The following FSTL4 variants were observed in gnomAD, a reference collection of about 807,000 sequenced individuals.
The protein encoded by FSTL4 is follistatin-related protein 4.
In FSTL4, 28 loss-of-function variants were observed where a neutral mutation model predicts 78.2. That is an observed-to-expected ratio of 0.36 (90% confidence interval 0.27 to 0.49). FSTL4 has a LOEUF of 0.49. Ranked by LOEUF, FSTL4 falls within the 20% of genes least tolerant of loss-of-function variation. The pLI is 0.98. For missense variants in FSTL4, 922 were observed against 1,084.9 expected, an observed-to-expected ratio of 0.85 and a Z score of 2.11; for synonymous variants, 422 against 440.5, an observed-to-expected ratio of 0.96 and a Z score of 0.53.
In FSTL4 at chr5:133,197,239, A is replaced by C. The variant is rs572526917; in HGVS notation, c.*1856T>G. ...ATGAAAGTTGGAGAATTTTAGTGGTAAAAATGGGAGATTGGGAGTAAACAT... is the reference window on the plus strand; with the variant it reads ...ATGAAAGTTGGAGAATTTTAGTGGTCAAAATGGGAGATTGGGAGTAAACAT... On this transcript the variant is annotated 3_prime_UTR_variant, in exon 16 of 16. Coordinates refer to ENST00000265342, the MANE Select transcript of FSTL4 (RefSeq NM_015082.2). 1 of 137,212 alleles carries C rather than the reference A, an allele frequency of 7.3e-6. No individual in the cohort carries two copies. Among genetic ancestry groups the C allele is most frequent in the Non-Finnish European group, 1.5e-5 (1 of 64,732 alleles). The allele number at this position is 137,212 out of a possible 1,614,324, so 8.5% of individuals were successfully genotyped here.
At chr5:133,257,082 C>A (rs1044431172) in intron 6 of FSTL4, among the ~76,000 whole-genome samples, 1 of 152,218 alleles carries the variant, frequency 6.6e-6, no homozygotes, top group Non-Finnish European at 1.5e-5. Context: ...GCAGAAGGGA[C>A]TTAATAAGCA....
At chr5:133,695,294 T>C in the FSTL4 span, among the ~76,000 whole-genome samples, 2 of 152,186 alleles carry the variant, frequency 1.3e-5, no homozygotes, top group Admixed American at 1.3e-4. Context: ...CAACTGTGCA[T>C]ACCAGGTTCT....
At chr5:133,445,384 G>A (rs1439820951) in intron 3 of FSTL4, among the ~76,000 whole-genome samples, 1 of 152,146 alleles carries the variant, frequency 6.6e-6, no homozygotes. Context: ...ACAGGCCGGG[G>A]AGTGCTCCCT....
chr5:133,685,302 T>C, the FSTL4 span, among the ~76,000 whole-genome samples: 3 of 152,152 alleles, frequency 2.0e-5, no homozygotes, highest in Non-Finnish European at 4.4e-5. Flanking sequence ...GATTCAAGGT[T>C]TGTGCGCTTT....
intron 4 of FSTL4, among the ~76,000 whole-genome samples, chr5:133,376,222 T>C (rs995740704): frequency 6.6e-6 from 1 of 152,228 alleles, no homozygotes; most frequent in Admixed American, 6.5e-5. Context: ...GGTGCAGGAA[T>C]AGATCAACTG....
chr5:133,797,971 A>G, the FSTL4 span, among the ~76,000 whole-genome samples: 1 of 151,480 alleles, frequency 6.6e-6, no homozygotes, highest in African/African-American at 2.4e-5. Flanking sequence ...ACTTCTCCCC[A>G]CCCCCACAAA....
chr5:133,518,748 T>C (rs1422873227), intron 3 of FSTL4, among the ~76,000 whole-genome samples: 1 of 152,192 alleles, frequency 6.6e-6, no homozygotes, highest in African/African-American at 2.4e-5. Flanking sequence ...GGGAGATACA[T>C]GCCAATGGTA....
chr5:133,591,774 G>A (rs1580808952), intron 2 of FSTL4, among the ~76,000 whole-genome samples: 1 of 152,120 alleles, frequency 6.6e-6, no homozygotes. Context: ...GCAGAGGAGG[G>A]AGAAATGGAG....
chr5:133,260,772 A>G (rs779908902), intron 6 of FSTL4, among the ~76,000 whole-genome samples: 1 of 152,206 alleles, frequency 6.6e-6, no homozygotes, highest in African/African-American at 2.4e-5. Context: ...GCTGAGCCCA[A>G]TTGTTGGAAG....
intron 3 of FSTL4, among the ~76,000 whole-genome samples, chr5:133,461,660 T>C (rs1757596199): frequency 6.6e-6 from 1 of 152,190 alleles, no homozygotes; most frequent in South Asian, 2.1e-4. Flanking sequence ...CAATAAGATA[T>C]TTTTCACTCC....
chr5:133,656,802 G>A, the FSTL4 span, among the ~76,000 whole-genome samples: 2 of 152,180 alleles, frequency 1.3e-5, no homozygotes, highest in Non-Finnish European at 2.9e-5. Flanking sequence ...CACTTTGGTT[G>A]TTGGATGGAG....
the FSTL4 span, among the ~76,000 whole-genome samples, chr5:133,795,944 G>T: frequency 6.6e-6 from 1 of 152,192 alleles, no homozygotes; most frequent in South Asian, 2.1e-4. Flanking sequence ...GGTCTCCCAA[G>T]CCCTGAAGAC....
the FSTL4 span, among the ~76,000 whole-genome samples, chr5:133,644,314 G>GT: frequency 3.2e-3 from 479 of 149,286 alleles, 2 homozygotes; most frequent in African/African-American, 7.5e-3. Flanking sequence ...TTTTGTGTGT[G>GT]TTTTTTTTTT....
intron 3 of FSTL4, among the ~76,000 whole-genome samples, chr5:133,505,855 G>C (rs1758602319): frequency 6.6e-6 from 1 of 152,222 alleles, no homozygotes; most frequent in Non-Finnish European, 1.5e-5. Flanking sequence ...ACATCTGGCA[G>C]AAACAAATCA....
At chr5:133,218,798 G>A (rs1018792028) in intron 12 of FSTL4, among the ~76,000 whole-genome samples, 19 of 152,090 alleles carry the variant, frequency 1.2e-4, no homozygotes, top group African/African-American at 4.3e-4. Context: ...TCTCTTACCA[G>A]CTGCATTTTC....
intron 6 of FSTL4, among the ~76,000 whole-genome samples, chr5:133,309,805 G>C (rs1753735133): frequency 6.6e-6 from 1 of 152,182 alleles, no homozygotes. Flanking sequence ...TCACCCCACA[G>C]ACCTCACCCT....
At position 133,362,476 on chromosome 5, in the gene FSTL4, G is replaced by C. The variant is rs187967701; in HGVS notation, c.409+38262C>G. Reference sequence around the variant, plus strand: ...GAACCCAGTCACTCCTCCCAAAAGAGGGCAGGAGGAGCCTTTGTTCACTTG... The same window carrying C: ...GAACCCAGTCACTCCTCCCAAAAGACGGCAGGAGGAGCCTTTGTTCACTTG... On this transcript the variant is annotated intron_variant, in intron 4 of 15. Coordinates refer to ENST00000265342, the MANE Select transcript of FSTL4 (RefSeq NM_015082.2). 7.2e-4 allele frequency among the ~76,000 whole-genome samples: 109 copies of C among 152,338 alleles called. 1 individual carries two copies. In the East Asian group the frequency reaches 0.019, roughly 26 times the overall value.
intron 6 of FSTL4, among the ~76,000 whole-genome samples, chr5:133,292,789 C>T (rs1000629318): frequency 6.6e-6 from 1 of 151,552 alleles, no homozygotes; most frequent in South Asian, 2.1e-4. Context: ...CTCTTTACAG[C>T]AACTCCCAGG....
intron 3 of FSTL4, among the ~76,000 whole-genome samples, chr5:133,489,490 C>T (rs754366558): frequency 2.0e-5 from 3 of 152,186 alleles, no homozygotes; most frequent in Non-Finnish European, 2.9e-5. Flanking sequence ...TGCTAGAATG[C>T]CTTTGAGGTA....
Sources: allele counts gnomAD v4.1 joint callset (sites outside exome capture counted in the v4.1 genomes callset), GRCh38; gene constraint gnomAD v4.1.1; transcripts MANE v1.5; gene names NCBI Gene and HGNC (gene_info 2026-07-23, HGNC 2026-07-21).